Variants in SMG7 observed in about 807,000 individuals in gnomAD.
SMG7 encodes SMG7 nonsense mediated mRNA decay factor, also known as nonsense-mediated mRNA decay factor SMG7.
A neutral mutation model predicts 148.2 loss-of-function variants in SMG7; 34 were observed. The ratio of observed to expected loss-of-function variants is 0.23; its 90% CI spans 0.17 to 0.31. The LOEUF (loss-of-function observed/expected upper bound fraction) is 0.31, where lower values mean the gene tolerates loss of function less well. Among genes scored for constraint, SMG7 ranks in the 10% least tolerant of loss-of-function variants. The pLI, the probability that SMG7 is intolerant of heterozygous loss-of-function variation, is 1.00. For missense variants in SMG7, 1,114 were observed against 1,408.4 expected, an observed-to-expected ratio of 0.79 and a Z score of 3.35; for synonymous variants, 492 against 515.1, an observed-to-expected ratio of 0.96 and a Z score of 0.61.
intron 14 of SMG7, among the ~76,000 whole-genome samples, chr1:183,543,968 T>C (rs1046982582): frequency 6.6e-6 from 1 of 152,204 alleles, no homozygotes; most frequent in Non-Finnish European, 1.5e-5. Flanking sequence ...TCATAATTCA[T>C]GTATGTCGTT....
chr1:183,549,908 C>T lies in SMG7; in HGVS notation c.3118C>T (p.Leu1040Phe), dbSNP rs376164793. Reference sequence around the variant, plus strand: ...TGAAGGGACTCCGTGGTCTCCATCACTTCCTGCCAGTTCAGGTATTAACTA... The same window carrying T: ...TGAAGGGACTCCGTGGTCTCCATCATTTCCTGCCAGTTCAGGTATTAACTA... ...LFEGTPWSPS[L>F]PASSDHSTPA... Residue 1040 changes from leucine (L) to phenylalanine (F), a missense_variant, in exon 20 of 23, where the codon CTT becomes TTT. By Grantham distance (22) the Leu-to-Phe change is conservative. This residue lies in a region of SMG7 where 788 missense variants were observed against 894.5 expected (regional missense o/e 0.88). Transcript: ENST00000688051. The T allele has an allele frequency of 9.3e-6, 15 of 1,613,638 alleles. No homozygotes were observed. Among genetic ancestry groups the T allele is most frequent in the Middle Eastern group, 1.7e-4 (1 of 6,058 alleles).
At position 183,472,657 on chromosome 1, in the gene SMG7, C is replaced by T. The variant is rs749158025; in HGVS notation, c.29+8C>T. 20 of 1,467,334 alleles carry T rather than the reference C, an allele frequency of 1.4e-5. No individual in the cohort carries two copies. Among genetic ancestry groups the T allele is most frequent in the South Asian group, 1.1e-4 (8 of 75,006 alleles). The allele number at this position is 1,467,334 out of a possible 1,614,324, so 90.9% of individuals were successfully genotyped here. Reference sequence around the variant, plus strand: ...GAGCGCGCAGTACCTCCGGTGAGTGCCGAGGCCGGGCTGGTACGTAGGGGG... The same window carrying T: ...GAGCGCGCAGTACCTCCGGTGAGTGTCGAGGCCGGGCTGGTACGTAGGGGG... On this transcript the variant is annotated splice_region_variant and intron_variant, in intron 1 of 22. Transcript: ENST00000688051.
chr1:183,494,295 T>G (rs1256718526), intron 1 of SMG7, among the ~76,000 whole-genome samples: 1 of 151,684 alleles, frequency 6.6e-6, no homozygotes, highest in Non-Finnish European at 1.5e-5. Flanking sequence ...TTTCCTTTTG[T>G]TTGTACTACT....
chr1:183,480,275 T>C (rs2102060948), intron 1 of SMG7, among the ~76,000 whole-genome samples: 1 of 152,270 alleles, frequency 6.6e-6, no homozygotes, highest in South Asian at 2.1e-4. Context: ...GCCTTCCTGA[T>C]CTGATTTTTC....
In SMG7 at chr1:183,536,121, T is replaced by C. The variant is rs191041472; in HGVS notation, c.1164-1024T>C. ...TTCACCTCATGCTTTTCTTTTTCTT[T>C]CTTTCTTTTTTAATAAAAATTGGTT... On this transcript the variant is annotated intron_variant, in intron 10 of 22. Transcript: ENST00000688051. 5.0e-4 allele frequency among the ~76,000 whole-genome samples: 76 copies of C among 152,238 alleles called. 2 individuals are homozygous for C. In the East Asian group the frequency reaches 0.014, roughly 27 times the overall value.
chr1:183,513,537 A>G (rs1292160135), intron 2 of SMG7, among the ~76,000 whole-genome samples: 4 of 152,052 alleles, frequency 2.6e-5, no homozygotes, highest in Middle Eastern at 6.8e-3. Context: ...ACATCTGACT[A>G]ATTTTTGTAT....
Position 183,526,694 on chromosome 1 carries a change from C to A in SMG7, c.411C>A (p.Ser137Arg), listed in dbSNP as rs763133534. ...GIISNKQTHTSAIVKPQSSSC... is the reference protein window; with the variant it reads ...GIISNKQTHTRAIVKPQSSSC... ...TCAGCAATAAACAGACGCATACCAG[C>A]GCCATAGTGAAGCCACAGTCTAGCT... Residue 137 changes from serine to arginine, a missense_variant, in exon 5 of 23, where the codon AGC becomes AGA. Transcript: ENST00000688051. 2 of 1,613,772 alleles carry A rather than the reference C, an allele frequency of 1.2e-6. No individual in the cohort carries two copies. Among genetic ancestry groups the A allele is most frequent in the Admixed American group, 1.7e-5 (1 of 59,980 alleles).
intron 13 of SMG7, 149 bp from the exon 14 acceptor site, chr1:183,541,927 T>C (rs1668949730): frequency 1.5e-6 from 1 of 662,936 alleles, no homozygotes; most frequent in African/African-American, 1.8e-5. Context: ...ACATAACTAC[T>C]TTTTGTGTTA....
intron 1 of SMG7, among the ~76,000 whole-genome samples, chr1:183,490,270 A>G (rs950808393): frequency 6.6e-6 from 1 of 152,212 alleles, no homozygotes; most frequent in Non-Finnish European, 1.5e-5. Flanking sequence ...ATAAAGTTCA[A>G]AGACAGGGAG....
intron 12 of SMG7, among the ~76,000 whole-genome samples, chr1:183,538,941 C>T (rs111387733): frequency 1.1e-4 from 16 of 151,844 alleles, no homozygotes; most frequent in African/African-American, 3.1e-4. Flanking sequence ...GTCAGGAGAT[C>T]GAGACCATCC....
At chr1:183,477,969 A>G (rs1226150030) in intron 1 of SMG7, among the ~76,000 whole-genome samples, 3 of 152,198 alleles carry the variant, frequency 2.0e-5, no homozygotes, top group Non-Finnish European at 4.4e-5. Context: ...TCATTTAAAT[A>G]GGAAGTAAAA....
rs1425324733 is a variant in SMG7, at chr1:183,502,665, ATG to A, written c.30-10171_30-10170del. Among the ~76,000 whole-genome samples the A allele has an allele frequency of 2.0e-5, 3 of 152,172 alleles. No individual in the cohort carries two copies. In the South Asian group the frequency reaches 6.2e-4, roughly 31 times the overall value. ...TAAATTTTTAAAAATTTTGTTTTAT[ATG>A]AGGTCTCTGAATATTTATGATAAAC... On this transcript the variant is annotated intron_variant, in intron 1 of 22. Coordinates refer to ENST00000688051, the MANE Select transcript of SMG7 (RefSeq NM_001375584.1).
At chr1:183,518,057 C>CT (rs541008024) in intron 4 of SMG7, among the ~76,000 whole-genome samples, 12 of 152,240 alleles carry the variant, frequency 7.9e-5, no homozygotes, top group African/African-American at 2.9e-4. Context: ...AAGTGATCCT[C>CT]TCACCTCAGC....
At chr1:183,489,825 A>G (rs1370782560) in intron 1 of SMG7, among the ~76,000 whole-genome samples, 2 of 152,246 alleles carry the variant, frequency 1.3e-5, no homozygotes, top group African/African-American at 2.4e-5. Flanking sequence ...AGAAGAAACA[A>G]GAAGTGACCT....
chr1:183,477,839 TA>T (rs1486616000), intron 1 of SMG7, among the ~76,000 whole-genome samples: 1 of 152,150 alleles, frequency 6.6e-6, no homozygotes, highest in Non-Finnish European at 1.5e-5. Context: ...TATATACATA[TA>T]TTTTTTGTAT....
At position 183,538,367 on chromosome 1, in the gene SMG7, T is replaced by A. The variant is rs760896861; in HGVS notation, c.1235-13T>A. 8 of 1,607,950 alleles carry A rather than the reference T, an allele frequency of 5.0e-6. No homozygotes were observed. In the East Asian group the frequency reaches 1.8e-4, roughly 36 times the overall value. ...AATTAAAATGTTTGCAAATTTTGATTTTGACCCTTTAGCGACACCACTTCC... is the reference window on the plus strand; with the variant it reads ...AATTAAAATGTTTGCAAATTTTGATATTGACCCTTTAGCGACACCACTTCC... On this transcript the variant is annotated splice_polypyrimidine_tract_variant and intron_variant, in intron 11 of 22. Coordinates refer to ENST00000688051, the MANE Select transcript of SMG7 (RefSeq NM_001375584.1).
intron 2 of SMG7, among the ~76,000 whole-genome samples, chr1:183,515,140 G>A (rs772279796): frequency 3.3e-5 from 5 of 152,138 alleles, no homozygotes; most frequent in Non-Finnish European, 7.4e-5. Context: ...TGTATTATGT[G>A]TAGTCATAGC....
In SMG7 at chr1:183,486,799, A is replaced by T. The variant is rs144228042; in HGVS notation, c.29+14150A>T. On this transcript the variant is annotated intron_variant, in intron 1 of 22. Transcript: ENST00000688051. ...AGCAACCTCTACCTCCCAGGCTCAAATGATCCTCCCACCTCAGCCTCCTGA... is the reference window on the plus strand; with the variant it reads ...AGCAACCTCTACCTCCCAGGCTCAATTGATCCTCCCACCTCAGCCTCCTGA... 5.8e-3 allele frequency among the ~76,000 whole-genome samples: 853 copies of T among 147,744 alleles called. 4 individuals carry two copies. The highest frequency in any genetic ancestry group is 0.01 in the Non-Finnish European group (676 of 66,712).
At position 183,529,553 on chromosome 1, in the gene SMG7, G is replaced by T. The variant is rs1329496801; in HGVS notation, c.843+20G>T. 1 of 1,599,504 alleles carries T rather than the reference G, an allele frequency of 6.3e-7. No homozygotes were observed. On this transcript the variant is annotated intron_variant, in intron 8 of 22. Coordinates refer to ENST00000688051, the MANE Select transcript of SMG7 (RefSeq NM_001375584.1). ...TTTAAGGTTAGATTTCAGAAATAGA[G>T]AATTTTTGTCTTGTCTAAATCAGGA... is the stretch of plus-strand genomic sequence containing the variant.
Sources: gnomAD v4.1 joint callset for allele counts (sites outside exome capture counted in the v4.1 genomes callset) on GRCh38, gnomAD v4.1.1 for gene constraint, gnomAD v4.1.1 regional missense constraint, MANE v1.5 for transcripts, NCBI Gene and HGNC (gene_info 2026-07-23, HGNC 2026-07-21) for gene names.